Variants in ADAMTS18 observed in about 807,000 individuals in gnomAD.
The protein encoded by ADAMTS18 is A disintegrin and metalloproteinase with thrombospondin motifs 18.
ADAMTS18 carries 157 observed loss-of-function variants against 165.9 expected under a neutral mutation model. The observed-to-expected ratio is 0.95, with a 90% CI of 0.83 to 1.08. The LOEUF is 1.08. Among genes scored for constraint, ADAMTS18 ranks in the 50% least tolerant of loss-of-function variants. The probability of loss-of-function intolerance (pLI) is 0.00; values close to 1 mark genes in which losing one functional copy is unlikely to be tolerated. For synonymous variants in ADAMTS18, 782 were observed against 578.2 expected (o/e 1.35, Z -5.06); for missense variants, 2,040 against 1,534.0 (o/e 1.33, Z -5.51).
At chr16:77,390,546 C>T (rs1020873827) in intron 3 of ADAMTS18, among the ~76,000 whole-genome samples, 2 of 152,006 alleles carry the variant, frequency 1.3e-5, no homozygotes, top group African/African-American at 4.8e-5. Flanking sequence ...AAAAATTAGC[C>T]GGGCATGGTG....
chr16:77,372,015 T>G (rs895479824), intron 3 of ADAMTS18, among the ~76,000 whole-genome samples: 5 of 152,080 alleles, frequency 3.3e-5, no homozygotes, highest in Non-Finnish European at 7.4e-5. Flanking sequence ...CAGGGGTATA[T>G]GAAAAAAATG....
chr16:77,333,810 G>C (rs1162700004), intron 12 of ADAMTS18, among the ~76,000 whole-genome samples: 1 of 146,566 alleles, frequency 6.8e-6, no homozygotes, highest in Admixed American at 6.9e-5. Context: ...GTATAGTACA[G>C]ATACTATATA....
intron 3 of ADAMTS18, among the ~76,000 whole-genome samples, chr16:77,372,503 T>C (rs576953496): frequency 6.6e-6 from 1 of 152,348 alleles, no homozygotes; most frequent in African/African-American, 2.4e-5. Context: ...CGACATGATG[T>C]GTAGAGCCTG....
chr16:77,423,550 C>T (rs2057631444), intron 3 of ADAMTS18, among the ~76,000 whole-genome samples: 1 of 152,048 alleles, frequency 6.6e-6, no homozygotes. Flanking sequence ...TCATTATCCT[C>T]GACTTATCAA....
intron 3 of ADAMTS18, among the ~76,000 whole-genome samples, chr16:77,413,195 G>T (rs1458058534): frequency 6.6e-6 from 1 of 152,088 alleles, no homozygotes; most frequent in Non-Finnish European, 1.5e-5. Flanking sequence ...TCTTTCTGTA[G>T]AATAAAGGCC....
intron 3 of ADAMTS18, among the ~76,000 whole-genome samples, chr16:77,377,504 G>T (rs1050215514): frequency 6.6e-6 from 1 of 152,156 alleles, no homozygotes; most frequent in Admixed American, 6.5e-5. Flanking sequence ...ACTTCAAATA[G>T]AATGATGTAA....
At chr16:77,402,107 C>A (rs2057339300) in intron 3 of ADAMTS18, among the ~76,000 whole-genome samples, 1 of 152,196 alleles carries the variant, frequency 6.6e-6, no homozygotes, top group Non-Finnish European at 1.5e-5. Context: ...AGCTACCTAC[C>A]TACCTAATTG....
intron 3 of ADAMTS18, among the ~76,000 whole-genome samples, chr16:77,396,048 A>C (rs1480832235): frequency 6.6e-6 from 1 of 152,166 alleles, no homozygotes; most frequent in Non-Finnish European, 1.5e-5. Flanking sequence ...GTAGATGACA[A>C]AATCGAGCCT....
At chr16:77,418,463 G>C (rs1230986718) in intron 3 of ADAMTS18, among the ~76,000 whole-genome samples, 1 of 152,126 alleles carries the variant, frequency 6.6e-6, no homozygotes, top group Non-Finnish European at 1.5e-5. Flanking sequence ...CTAAAGGGTA[G>C]AGAGGCCTGG....
intron 3 of ADAMTS18, among the ~76,000 whole-genome samples, chr16:77,379,338 GGGA>G (rs2056998914): frequency 6.6e-6 from 1 of 151,662 alleles, no homozygotes; most frequent in African/African-American, 2.4e-5. Flanking sequence ...TAGCATCATG[GGGA>G]GAAGAACGCT....
At chr16:77,303,398 C>T (rs1298575863) in intron 16 of ADAMTS18, among the ~76,000 whole-genome samples, 1 of 152,188 alleles carries the variant, frequency 6.6e-6, no homozygotes, top group Non-Finnish European at 1.5e-5. Flanking sequence ...TAACTTTTTT[C>T]TGCCTCCCTG....
chr16:77,292,520 C>G (rs2055383235), intron 20 of ADAMTS18, among the ~76,000 whole-genome samples: 1 of 152,188 alleles, frequency 6.6e-6, no homozygotes, highest in African/African-American at 2.4e-5. Context: ...CCTAGAAAGT[C>G]TCTTCTGACA....
chr16:77,392,600 T>C (rs2057203321), intron 3 of ADAMTS18, among the ~76,000 whole-genome samples: 1 of 152,152 alleles, frequency 6.6e-6, no homozygotes, highest in Non-Finnish European at 1.5e-5. Context: ...AGATTCTAAA[T>C]GCCTTTGCCT....
rs1189841210 is a variant in ADAMTS18, at chr16:77,291,316, G to A, written c.3352C>T (p.His1118Tyr). ...CCAGCTACCATGTTGTACACTGGAT[G>A]GGCTGGGCAAGCCCGTCGGTTGCAG... ...ETCNRRACPA[H>Y]PVYNMVAGWY... The change falls in exon 21 of 23, where the codon CAT becomes TAT. Residue 1118 changes from histidine (H) to tyrosine (Y), a missense_variant. Physicochemically the swap from His to Tyr is moderately conservative, Grantham distance 83 (BLOSUM62 2). Transcript: ENST00000282849. The A allele has an allele frequency of 1.9e-6, 3 of 1,614,064 alleles. No individual in the cohort carries two copies. In the East Asian group the frequency reaches 6.7e-5, roughly 36 times the overall value.
chr16:77,329,938 C>T (rs75325387), intron 12 of ADAMTS18, among the ~76,000 whole-genome samples: 1,906 of 152,164 alleles, frequency 0.013, 38 homozygotes, highest in African/African-American at 0.044. Context: ...TTTATCAAGT[C>T]CTGACTACAA....
chr16:77,398,990 C>A (rs1250431456), intron 3 of ADAMTS18, among the ~76,000 whole-genome samples: 3 of 152,196 alleles, frequency 2.0e-5, no homozygotes, highest in Non-Finnish European at 4.4e-5. Context: ...ATAGAACTGA[C>A]ATGATCCTGT....
Position 77,322,377 on chromosome 16 carries a change from A to G in ADAMTS18, c.2122T>C (p.Ser708Pro). The G allele has an allele frequency of 1.2e-6, 2 of 1,613,924 alleles. No homozygotes were observed. Among genetic ancestry groups the G allele is most frequent in the Non-Finnish European group, 1.7e-6 (2 of 1,179,956 alleles). ...ATACAAACATCATTTTTGTTTGGGG[A>G]GCAGGGAGTTCCATCTTTCACTTTG... is the stretch of plus-strand genomic sequence containing the variant. ...SGKVKDGTPC[S>P]PNKNDVCIDG... The change falls in exon 14 of 23, where the codon TCC (serine) becomes CCC (proline). Residue 708 changes from serine (S) to proline (P), a missense_variant. Physicochemically the swap from Ser to Pro is moderately conservative, Grantham distance 74 (BLOSUM62 -1). Coordinates refer to ENST00000282849, the MANE Select transcript of ADAMTS18 (RefSeq NM_199355.4).
At chr16:77,399,170 G>C (rs2057295659) in intron 3 of ADAMTS18, among the ~76,000 whole-genome samples, 1 of 152,178 alleles carries the variant, frequency 6.6e-6, no homozygotes, top group Non-Finnish European at 1.5e-5. Flanking sequence ...TTAGAGATGA[G>C]GCTATCTCAA....
intron 10 of ADAMTS18, among the ~76,000 whole-genome samples, 173 bp downstream of exon 10, chr16:77,353,560 A>G (rs2056585659): frequency 2.0e-5 from 3 of 152,232 alleles, no homozygotes; most frequent in African/African-American, 7.2e-5. Context: ...ATAGGCCTGG[A>G]TAATTCATTG....
Sources: allele counts gnomAD v4.1 joint callset (sites outside exome capture counted in the v4.1 genomes callset), GRCh38; gene constraint gnomAD v4.1.1; transcripts MANE v1.5; gene names NCBI Gene and HGNC (gene_info 2026-07-23, HGNC 2026-07-21).